The following CTNND2 variants were observed in gnomAD, a reference collection of about 807,000 sequenced individuals.
CTNND2 encodes the protein catenin delta 2.
A neutral mutation model predicts 144.4 loss-of-function variants in CTNND2; 22 were observed. The observed-to-expected ratio is 0.15, with a 90% confidence interval of 0.11 to 0.22. The LOEUF is 0.22. Among genes scored for constraint, CTNND2 ranks in the 10% least tolerant of loss-of-function variants. The pLI is 1.00. For synonymous variants in CTNND2, 751 were observed against 695.6 expected, an observed-to-expected ratio of 1.08 and a Z score of -1.25; for missense variants, 1,353 against 1,618.8, an observed-to-expected ratio of 0.84 and a Z score of 2.82.
At chr5:11,273,493 TA>T (rs1467299577) in intron 9 of CTNND2, among the ~76,000 whole-genome samples, 6 of 152,342 alleles carry the variant, frequency 3.9e-5, no homozygotes, top group African/African-American at 7.2e-5. Context: ...ATGCCTTCAT[TA>T]AAAATAACTT....
intron 1 of CTNND2, among the ~76,000 whole-genome samples, chr5:11,832,189 C>G (rs971172635): frequency 7.9e-5 from 12 of 151,940 alleles, no homozygotes; most frequent in African/African-American, 2.7e-4. Context: ...GAGGCTGAGG[C>G]AGAAGAATGG....
intron 1 of CTNND2, among the ~76,000 whole-genome samples, chr5:11,812,581 C>A (rs1792397408): frequency 1.3e-5 from 2 of 152,268 alleles, no homozygotes; most frequent in South Asian, 4.1e-4. Context: ...TACGCTGCCC[C>A]ATCCATTGTT....
At chr5:11,696,757 G>C (rs965135201) in intron 2 of CTNND2, among the ~76,000 whole-genome samples, 1 of 152,214 alleles carries the variant, frequency 6.6e-6, no homozygotes, top group African/African-American at 2.4e-5. Flanking sequence ...AACCCAGACA[G>C]TAGTCATATA....
intron 12 of CTNND2, among the ~76,000 whole-genome samples, chr5:11,150,729 C>T (rs964436763): frequency 3.4e-5 from 5 of 146,234 alleles, no homozygotes; most frequent in Non-Finnish European, 5.9e-5. Context: ...TGGGTTCAAG[C>T]AATTCTCCTG....
At position 10,973,955 on chromosome 5, in the gene CTNND2, C is replaced by A. The variant is rs1197373042; in HGVS notation, c.3418-242G>T. 6.6e-6 allele frequency among the ~76,000 whole-genome samples: 1 copy of A among 152,182 alleles called. No homozygotes were observed. ...ATGGCAAAATATACATAACATAAAA[C>A]AGCTTGCTTTAAGAAATGTTGAAGT... is the stretch of plus-strand genomic sequence containing the variant. On this transcript the variant is annotated intron_variant, in intron 21 of 21. Transcript: ENST00000304623. This position sits in a 1 kb window ranked among gnomAD's most constrained non-coding sequence, Gnocchi z 5.6.
At chr5:11,322,743 T>C (rs1403218556) in intron 9 of CTNND2, among the ~76,000 whole-genome samples, 1 of 152,188 alleles carries the variant, frequency 6.6e-6, no homozygotes, top group Non-Finnish European at 1.5e-5. Context: ...TCAAAATAAA[T>C]TTTTACAAAA....
intron 3 of CTNND2, among the ~76,000 whole-genome samples, chr5:11,466,818 C>A (rs61757533): frequency 5.0e-4 from 76 of 152,290 alleles, no homozygotes; most frequent in African/African-American, 1.8e-3. Flanking sequence ...CAAATCAGTT[C>A]CTTTTGACAA....
chr5:11,015,583 C>T (rs1741524570), intron 18 of CTNND2, among the ~76,000 whole-genome samples: 1 of 152,134 alleles, frequency 6.6e-6, no homozygotes, highest in Non-Finnish European at 1.5e-5. Context: ...CTACTAACAA[C>T]AATGAAAAAC....
intron 10 of CTNND2, among the ~76,000 whole-genome samples, chr5:11,210,491 A>C (rs550258434): frequency 6.6e-6 from 1 of 152,392 alleles, no homozygotes; most frequent in Non-Finnish European, 1.5e-5. Flanking sequence ...ACTTTTTAAA[A>C]GAAATAGTCA....
At chr5:11,727,540 C>T (rs1252297861) in intron 2 of CTNND2, among the ~76,000 whole-genome samples, 1 of 152,076 alleles carries the variant, frequency 6.6e-6, no homozygotes, top group Non-Finnish European at 1.5e-5. Flanking sequence ...ATTTCTAATC[C>T]ACCCTGGCTT....
At position 11,756,643 on chromosome 5, in the gene CTNND2, T is replaced by TAAATACACACAC. The variant is rs1489940532; in HGVS notation, c.38-24372_38-24371insGTGTGTGTATTT. On this transcript the variant is annotated intron_variant, in intron 1 of 21. Transcript: ENST00000304623. Reference sequence around the variant, plus strand: ...CCACACAAATCGATATACACACACATACATACACACACACACACACACACA... The same window carrying TAAATACACACAC: ...CCACACAAATCGATATACACACACATAAATACACACACACATACACACACACACACACACACA... Among the ~76,000 whole-genome samples, 3 of 21,334 alleles carry TAAATACACACAC rather than the reference T, an allele frequency of 1.4e-4. No individual in the cohort carries two copies. The East Asian group carries it at 6.6e-3, about 47-fold the overall frequency. The allele number at this position is 21,334 out of a possible 152,430, so 14.0% of individuals were successfully genotyped here. A position where few individuals can be genotyped will look rare whatever the true frequency, so the allele number is the denominator to read the frequency against.
intron 2 of CTNND2, among the ~76,000 whole-genome samples, chr5:11,661,587 G>C (rs1276660660): frequency 6.6e-6 from 1 of 151,794 alleles, no homozygotes; most frequent in Non-Finnish European, 1.5e-5. Context: ...ACAGGTTCAT[G>C]CTTACATCTA....
chr5:11,367,713 T>C (rs1757110540), intron 7 of CTNND2, among the ~76,000 whole-genome samples: 1 of 152,202 alleles, frequency 6.6e-6, no homozygotes, highest in Admixed American at 6.5e-5. Context: ...TTCTTGCCAA[T>C]TATGCTGGTG....
intron 1 of CTNND2, among the ~76,000 whole-genome samples, chr5:11,833,814 G>A (rs1396568937): frequency 1.3e-5 from 2 of 152,066 alleles, no homozygotes; most frequent in East Asian, 1.9e-4. Context: ...GTGAGCCACC[G>A]TGCCCGACTG....
chr5:11,061,596 C>T (rs1314710930), intron 16 of CTNND2, among the ~76,000 whole-genome samples: 1 of 152,180 alleles, frequency 6.6e-6, no homozygotes, highest in East Asian at 1.9e-4. Flanking sequence ...TTAGGATTTA[C>T]CTCTTCATAG....
intron 3 of CTNND2, among the ~76,000 whole-genome samples, chr5:11,420,231 G>T (rs1156797174): frequency 6.6e-6 from 1 of 152,162 alleles, no homozygotes; most frequent in Non-Finnish European, 1.5e-5. Flanking sequence ...GCTGAGGCAG[G>T]AGAATTGCTT....
At chr5:11,835,227 G>A (rs1794112990) in intron 1 of CTNND2, among the ~76,000 whole-genome samples, 1 of 152,166 alleles carries the variant, frequency 6.6e-6, no homozygotes, top group African/African-American at 2.4e-5. Context: ...GAGGATTTCT[G>A]CATCTATACT....
intron 3 of CTNND2, among the ~76,000 whole-genome samples, chr5:11,469,307 T>C (rs1424691086): frequency 6.6e-6 from 1 of 152,204 alleles, no homozygotes; most frequent in Admixed American, 6.5e-5. Flanking sequence ...GATTGTAATT[T>C]ATTCCTGACC....
intron 2 of CTNND2, among the ~76,000 whole-genome samples, chr5:11,592,082 T>G (rs542197262): frequency 1.3e-4 from 19 of 151,934 alleles, no homozygotes; most frequent in Non-Finnish European, 2.5e-4. Flanking sequence ...AGTGTTTCAG[T>G]TGAGGATTCT....
Sources: gnomAD v4.1 joint callset for allele counts (sites outside exome capture counted in the v4.1 genomes callset) on GRCh38, gnomAD v4.1.1 for gene constraint, Gnocchi (gnomAD v3.1) non-coding constraint, MANE v1.5 for transcripts, NCBI Gene and HGNC (gene_info 2026-07-23, HGNC 2026-07-21) for gene names.